The following PCNX3 variants were observed in gnomAD, a reference collection of about 807,000 sequenced individuals.
PCNX3 encodes pecanex 3.
In PCNX3, 58 loss-of-function variants were observed where a neutral mutation model predicts 207.2. The observed-to-expected ratio is 0.28, with a 90% confidence interval of 0.23 to 0.35. The LOEUF is 0.35. Among genes scored for constraint, PCNX3 ranks in the 10% least tolerant of loss-of-function variants. The probability of loss-of-function intolerance (pLI) is 1.00; values close to 1 mark genes in which losing one functional copy is unlikely to be tolerated. For synonymous variants in PCNX3, 1,337 were observed against 1,183.5 expected (o/e 1.13, Z -2.66); for missense variants, 2,410 against 2,774.4 (o/e 0.87, Z 2.95).
At chr11:65,619,133 G>T in intron 6 of PCNX3, 66 bp downstream of exon 6, 5 of 1,340,364 alleles carry the variant, frequency 3.7e-6, no homozygotes, top group Non-Finnish European at 5.1e-6. Flanking sequence ...TGGGCAAAGG[G>T]CAGGTAAGAA....
In PCNX3 at chr11:65,636,441, T is replaced by C. The variant is rs760169841; in HGVS notation, c.5644T>C (p.Ser1882Pro). 2 of 1,557,776 alleles carry C rather than the reference T, an allele frequency of 1.3e-6. No homozygotes were observed. The highest frequency in any genetic ancestry group is 1.2e-5 in the South Asian group (1 of 82,702). Residue 1882 changes from serine to proline, a missense_variant, in exon 34 of 35, where the codon TCC (serine) becomes CCC (proline). Around this residue, in one of 8 missense-constraint regions of PCNX3, gnomAD observed 278 missense variants for 245.1 expected, o/e 1.13. Transcript: ENST00000355703. Reference protein sequence around the residue: ...PPGPGWGPRSSLSGSGDGRPP... With the variant: ...PPGPGWGPRSPLSGSGDGRPP... The stretch of plus-strand genomic sequence containing the variant: ...AGGCCCTGGCTGGGGGCCGCGGTCC[T>C]CCCTGAGTGGCTCTGGTGATGGGCG...
chr11:65,628,837 T>C lies in PCNX3; in HGVS notation c.3830T>C (p.Val1277Ala), dbSNP rs766814883. The change falls in exon 24 of 35, where the codon GTC becomes GCC. Residue 1277 changes from valine to alanine, a missense_variant. By Grantham distance (64) the Val-to-Ala change is moderately conservative. Coordinates refer to ENST00000355703, the MANE Select transcript of PCNX3 (RefSeq NM_032223.4). ...FAVPHSAMLFVQALLSGLFST... is the reference protein window; with the variant it reads ...FAVPHSAMLFAQALLSGLFST... Reference sequence around the variant, plus strand: ...GGCTCAGACTCGGCCATGCTGTTCGTCCAGGCCCTGCTCTCGGGGCTCTTC... The same window carrying C: ...GGCTCAGACTCGGCCATGCTGTTCGCCCAGGCCCTGCTCTCGGGGCTCTTC... 1 of 1,611,986 alleles carries C rather than the reference T, an allele frequency of 6.2e-7. No individual in the cohort carries two copies. Among genetic ancestry groups the C allele is most frequent in the Admixed American group, 1.7e-5 (1 of 59,994 alleles).
rs752462276 is a variant in PCNX3, at chr11:65,623,496, G to A, written c.2363G>A (p.Arg788Gln). ...LALLALLDRTRGVLENIFGVG... is the reference protein window; with the variant it reads ...LALLALLDRTQGVLENIFGVG... The stretch of plus-strand genomic sequence containing the variant: ...TGACTAGGCTGTCCCTGCAGGACGC[G>A]GGGAGTGCTGGAGAACATCTTCGGC... The change falls in exon 12 of 35, where the codon CGG (arginine) becomes CAG (glutamine). Residue 788 changes from arginine to glutamine, a missense_variant. Arg to Gln is a conservative substitution (Grantham distance 43). Around this residue, in one of 8 missense-constraint regions of PCNX3, gnomAD observed 177 missense variants for 257.5 expected, o/e 0.69. Transcript: ENST00000355703. 5.0e-6 allele frequency: 8 copies of A among 1,607,208 alleles called. No homozygotes were observed. Among genetic ancestry groups the A allele is most frequent in the Non-Finnish European group, 6.8e-6 (8 of 1,176,036 alleles).
rs1462060624 is a variant in PCNX3, at chr11:65,637,296, C to T, written c.*318C>T. The stretch of plus-strand genomic sequence containing the variant: ...ACCTCAGCCCCTGGGCCTGCACTGC[C>T]TGCAGGTGTGGCCCCCTTGGCCTGG... On this transcript the variant is annotated 3_prime_UTR_variant, in exon 35 of 35. Transcript: ENST00000355703. 1 of 358,962 alleles carries T rather than the reference C, an allele frequency of 2.8e-6. No homozygotes were observed. Among genetic ancestry groups the T allele is most frequent in the Admixed American group, 4.3e-5 (1 of 23,504 alleles). 22.2% of individuals were successfully genotyped at this position (358,962 alleles called of 1,614,324 possible).
At chr11:65,616,604 A>C in intron 1 of PCNX3, 140 bp downstream of exon 1, 1 of 1,137,242 alleles carries the variant, frequency 8.8e-7, no homozygotes, top group Non-Finnish European at 1.2e-6. Flanking sequence ...AGAGGGGCCA[A>C]AGTCTTCCTT....
rs1360135694 is a variant in PCNX3, at chr11:65,615,962, A to C, written c.-350A>C. ...GAGCTGTCGCCTGCACCCCGGGAGC[A>C]CCCACCCCACGACCACCTCTGGATG... is the stretch of plus-strand genomic sequence containing the variant. On this transcript the variant is annotated 5_prime_UTR_variant, in exon 1 of 35. Coordinates refer to ENST00000355703, the MANE Select transcript of PCNX3 (RefSeq NM_032223.4). 1 of 170,798 alleles carries C rather than the reference A, an allele frequency of 5.9e-6. No individual in the cohort carries two copies. Among genetic ancestry groups the C allele is most frequent in the African/African-American group, 2.4e-5 (1 of 42,044 alleles). The allele number at this position is 170,798 out of a possible 1,614,324, so 10.6% of individuals were successfully genotyped here. A position where few individuals can be genotyped will look rare whatever the true frequency, so the allele number is the denominator to read the frequency against.
intron 10 of PCNX3, among the ~76,000 whole-genome samples, chr11:65,621,439 CTT>C: frequency 6.6e-6 from 1 of 152,346 alleles, no homozygotes; most frequent in East Asian, 1.9e-4. Flanking sequence ...AATTTGTATA[CTT>C]AATCTATTAA....
intron 8 of PCNX3, 54 bp from the exon 9 acceptor site, chr11:65,620,285 G>A (rs1218475354): frequency 6.5e-7 from 1 of 1,545,312 alleles, no homozygotes; most frequent in African/African-American, 1.4e-5. Flanking sequence ...CGTGAGCCGG[G>A]CCTTGGTGCT....
rs111524089 is a variant in PCNX3 at position 65,628,376 on chromosome 11, C to G, written c.3703-219C>G. 3.0e-4 allele frequency among the ~76,000 whole-genome samples: 45 copies of G among 152,334 alleles called. 1 individual carries two copies. Among genetic ancestry groups the G allele is most frequent in the African/African-American group, 1.1e-3 (45 of 41,558 alleles). On this transcript the variant is annotated intron_variant, in intron 22 of 34. Transcript: ENST00000355703. Reference sequence around the variant, plus strand: ...GAAGCTCACAGGGTACTTGTGTGAACTAAATGGCCACCGCCCCCTTTGAGC... The same window carrying G: ...GAAGCTCACAGGGTACTTGTGTGAAGTAAATGGCCACCGCCCCCTTTGAGC...
chr11:65,624,146 A>C (rs768280754), intron 13 of PCNX3, 49 bp from the exon 14 acceptor site: 3 of 1,576,100 alleles, frequency 1.9e-6, no homozygotes, highest in East Asian at 2.3e-5. Context: ...CATGTGTCAG[A>C]GGTGTGGCCA....
At position 65,635,174 on chromosome 11, in the gene PCNX3, C is replaced by G; in HGVS notation, c.4954-44C>G. 1 of 1,603,542 alleles carries G rather than the reference C, an allele frequency of 6.2e-7. No individual in the cohort carries two copies. Among genetic ancestry groups the G allele is most frequent in the Non-Finnish European group, 8.5e-7 (1 of 1,174,056 alleles). ...GGCAGGTGGGGGATGAAGCCTCTCT[C>G]CAGGGCAGGGGCCACTGACCCCTGT... On this transcript the variant is annotated intron_variant, in intron 30 of 34. Transcript: ENST00000355703. This position sits in a 1 kb window ranked among gnomAD's most constrained non-coding sequence, Gnocchi z 9.9.
At chr11:65,624,172 C>T in intron 13 of PCNX3, 23 bp from the exon 14 acceptor site, 2 of 1,592,886 alleles carry the variant, frequency 1.3e-6, no homozygotes, top group Non-Finnish European at 1.7e-6. Flanking sequence ...GGAGACCCAG[C>T]TCCTCATGGG....
chr11:65,629,804 G>C, intron 26 of PCNX3, 69 bp downstream of exon 26: 1 of 1,496,516 alleles, frequency 6.7e-7, no homozygotes, highest in Non-Finnish European at 9.0e-7. Context: ...GTGTTCAATA[G>C]CACGTGCGAA....
intron 27 of PCNX3, among the ~76,000 whole-genome samples, chr11:65,631,870 T>C (rs2135472509): frequency 6.6e-6 from 1 of 151,948 alleles, no homozygotes; most frequent in South Asian, 2.1e-4. Context: ...TGGCTGTCCT[T>C]CTCCAAAGGA....
intron 20 of PCNX3, chr11:65,626,536 C>T (rs1855400606): frequency 9.5e-6 from 4 of 420,580 alleles, no homozygotes; most frequent in Non-Finnish European, 1.8e-5. Context: ...ACTAGCATCC[C>T]TCTGTGGCTA....
At chr11:65,636,358 T>C in intron 33 of PCNX3, 33 bp from the exon 34 acceptor site, 1 of 1,594,654 alleles carries the variant, frequency 6.3e-7, no homozygotes, top group Middle Eastern at 1.7e-4. Flanking sequence ...GCAGCCCAGC[T>C]GAGGCCTCTG....
At chr11:65,619,227 C>A (rs1219354926) in intron 6 of PCNX3, among the ~76,000 whole-genome samples, 160 bp downstream of exon 6, 1 of 152,106 alleles carries the variant, frequency 6.6e-6, no homozygotes, top group Non-Finnish European at 1.5e-5. Context: ...GTCTGCCAAA[C>A]CTCTTAGACA....
In PCNX3 at chr11:65,618,859, A is replaced by G; in HGVS notation, c.1497A>G (p.Thr499=). The change falls in exon 6 of 35, where the codon ACA becomes ACG. Residue 499 remains threonine (T), a synonymous_variant. Coordinates refer to ENST00000355703, the MANE Select transcript of PCNX3 (RefSeq NM_032223.4). ...CGCCTAGTACCGCCAGCGCTAAAAC[A>G]CATGCCCGTGTGCTGAGCATGGATG... ...QRTPSTASAK[T]HARVLSMDGA... is the part of the protein sequence containing the mutation. The G allele has an allele frequency of 6.2e-7, 1 of 1,610,902 alleles. No individual in the cohort carries two copies. Among genetic ancestry groups the G allele is most frequent in the Non-Finnish European group, 8.5e-7 (1 of 1,179,176 alleles).
In PCNX3 at chr11:65,628,848, C is replaced by T. The variant is rs755325685; in HGVS notation, c.3841C>T (p.Leu1281Phe). The T allele has an allele frequency of 4.3e-6, 7 of 1,612,232 alleles. No individual in the cohort carries two copies. Among genetic ancestry groups the T allele is most frequent in the Admixed American group, 3.3e-5 (2 of 59,990 alleles). ...GGCCATGCTGTTCGTCCAGGCCCTG[C>T]TCTCGGGGCTCTTCTCCACGCCTCT... ...HSAMLFVQAL[L>F]SGLFSTPLNP... Residue 1281 changes from leucine to phenylalanine, a missense_variant, in exon 24 of 35, where the codon CTC becomes TTC. Physicochemically the swap from Leu to Phe is conservative, Grantham distance 22. Around this residue, in one of 8 missense-constraint regions of PCNX3, gnomAD observed 420 missense variants for 705.3 expected, o/e 0.60. Transcript: ENST00000355703.
Sources: gnomAD v4.1 joint callset for allele counts (sites outside exome capture counted in the v4.1 genomes callset) on GRCh38, gnomAD v4.1.1 for gene constraint, gnomAD v4.1.1 regional missense constraint, Gnocchi (gnomAD v3.1) non-coding constraint, MANE v1.5 for transcripts, NCBI Gene and HGNC (gene_info 2026-07-23, HGNC 2026-07-21) for gene names.